Variants in RBFOX1 observed in about 807,000 individuals in gnomAD.
RBFOX1 encodes RNA binding protein fox-1 homolog 1.
A neutral mutation model predicts 57.7 loss-of-function variants in RBFOX1; 8 were observed. The ratio of observed to expected loss-of-function variants is 0.14; its 90% CI spans 0.08 to 0.25. RBFOX1 has a LOEUF of 0.25. RBFOX1 is among the 10% of genes least tolerant of loss of function. The pLI, the probability that RBFOX1 is intolerant of heterozygous loss-of-function variation, is 1.00. For synonymous variants in RBFOX1, 326 were observed against 222.4 expected (o/e 1.47, Z -4.15); for missense variants, 611 against 548.5 (o/e 1.11, Z -1.14).
intron 4 of RBFOX1, among the ~76,000 whole-genome samples, chr16:7,209,174 A>G (rs1194686206): frequency 6.8e-6 from 1 of 146,650 alleles, no homozygotes; most frequent in Admixed American, 6.7e-5. Context: ...AATAATAATA[A>G]TAATAATAAT....
chr16:6,571,849 G>A (rs1397825987), intron 2 of RBFOX1, among the ~76,000 whole-genome samples: 3 of 151,534 alleles, frequency 2.0e-5, no homozygotes, highest in African/African-American at 7.4e-5. Context: ...ATCATGAGTG[G>A]TTTGATTGAG....
chr16:6,993,617 A>G (rs1447267323), intron 3 of RBFOX1, among the ~76,000 whole-genome samples: 1 of 152,164 alleles, frequency 6.6e-6, no homozygotes, highest in Non-Finnish European at 1.5e-5. Context: ...TTAATTGTTA[A>G]AATTCCACTC....
At chr16:6,954,604 G>A (rs1211319839) in intron 3 of RBFOX1, among the ~76,000 whole-genome samples, 1 of 152,096 alleles carries the variant, frequency 6.6e-6, no homozygotes, top group East Asian at 1.9e-4. Flanking sequence ...TCCTCATTAT[G>A]TAGATGGAGA....
chr16:6,742,041 C>T (rs532301489), intron 3 of RBFOX1, among the ~76,000 whole-genome samples: 2 of 152,274 alleles, frequency 1.3e-5, no homozygotes, highest in Admixed American at 6.5e-5. Flanking sequence ...TGTTCATTAA[C>T]TTGAGTTAGC....
At chr16:5,702,212 G>A (rs1398785021) in intron 3 of RBFOX1, among the ~76,000 whole-genome samples, 2 of 152,172 alleles carry the variant, frequency 1.3e-5, no homozygotes, top group Non-Finnish European at 2.9e-5. Flanking sequence ...AGGCATGACT[G>A]GGAGACCTCA....
chr16:5,662,992 C>T (rs1276049106), intron 3 of RBFOX1, among the ~76,000 whole-genome samples: 1 of 152,134 alleles, frequency 6.6e-6, no homozygotes, highest in African/African-American at 2.4e-5. Context: ...TTCCAGTGGG[C>T]AGGAGAGCAA....
chr16:6,553,481 T>C (rs755244002), intron 2 of RBFOX1, among the ~76,000 whole-genome samples: 1 of 152,086 alleles, frequency 6.6e-6, no homozygotes, highest in Non-Finnish European at 1.5e-5. Context: ...TTGGTGGAAA[T>C]TGATGCCACC....
chr16:6,219,943 G>A (rs1394308775), intron 1 of RBFOX1, among the ~76,000 whole-genome samples: 1 of 152,096 alleles, frequency 6.6e-6, no homozygotes, highest in African/African-American at 2.4e-5. Context: ...TACATGAAAA[G>A]CTCTTAGCAC....
chr16:6,786,829 G>T (rs183011252), intron 3 of RBFOX1, among the ~76,000 whole-genome samples: 1 of 152,228 alleles, frequency 6.6e-6, no homozygotes, highest in African/African-American at 2.4e-5. Flanking sequence ...TTGACTAAAA[G>T]GGTAGGGAAT....
At chr16:6,186,020 A>T (rs549890579) in intron 1 of RBFOX1, among the ~76,000 whole-genome samples, 12 of 152,244 alleles carry the variant, frequency 7.9e-5, no homozygotes, top group African/African-American at 2.6e-4. Flanking sequence ...TTATTTCTCT[A>T]TTCTCCTTGG....
intron 1 of RBFOX1, among the ~76,000 whole-genome samples, chr16:6,072,880 C>T (rs111832009): frequency 1.4e-4 from 21 of 152,190 alleles, no homozygotes; most frequent in African/African-American, 4.3e-4. Flanking sequence ...AGGTCTGTTC[C>T]TATGATTGTG....
intron 5 of RBFOX1, among the ~76,000 whole-genome samples, chr16:7,540,251 C>A (rs1381934259): frequency 6.6e-6 from 1 of 152,134 alleles, no homozygotes; most frequent in Non-Finnish European, 1.5e-5. Context: ...TCGCTGTTTC[C>A]CTCGCTGGAA....
At chr16:7,607,769 T>C (rs2056624616) in intron 10 of RBFOX1, among the ~76,000 whole-genome samples, 1 of 152,218 alleles carries the variant, frequency 6.6e-6, no homozygotes, top group African/African-American at 2.4e-5. Context: ...TCCAATAATG[T>C]GGGAGTGATT....
intron 2 of RBFOX1, among the ~76,000 whole-genome samples, chr16:6,477,755 T>C (rs1239465051): frequency 6.6e-6 from 1 of 152,246 alleles, no homozygotes. Flanking sequence ...TACCATCTTC[T>C]TCCAAGAGAA....
chr16:5,603,306 A>C (rs2047429194), downstream of RBFOX1, among the ~76,000 whole-genome samples: 1 of 152,214 alleles, frequency 6.6e-6, no homozygotes, highest in Non-Finnish European at 1.5e-5. Context: ...AGAGTAGTCC[A>C]AGGAGGGAAG....
chr16:7,667,380 T>A (rs2145840307), intron 13 of RBFOX1, among the ~76,000 whole-genome samples: 1 of 152,298 alleles, frequency 6.6e-6, no homozygotes, highest in East Asian at 1.9e-4. Context: ...AGAACAAGAT[T>A]CATCCTAGCT....
At chr16:5,428,660 C>T (rs1378433694) in intron 1 of RBFOX1, among the ~76,000 whole-genome samples, 4 of 152,028 alleles carry the variant, frequency 2.6e-5, no homozygotes, top group African/African-American at 4.8e-5. Flanking sequence ...AAGCTGAAAC[C>T]TGGAGGGTGA....
chr16:6,118,838 T>C (rs2096526780), intron 1 of RBFOX1, among the ~76,000 whole-genome samples: 1 of 151,426 alleles, frequency 6.6e-6, no homozygotes, highest in South Asian at 2.1e-4. Flanking sequence ...CTTTCTCTCT[T>C]TCCCCATCTT....
At chr16:7,479,291 TTATTG>T (rs1002633211) in intron 4 of RBFOX1, among the ~76,000 whole-genome samples, 32 of 151,764 alleles carry the variant, frequency 2.1e-4, no homozygotes, top group African/African-American at 7.0e-4. Context: ...ACTGGCTAAT[TTATTG>T]TATTGTATAG....
Sources: gnomAD v4.1 joint callset for allele counts (sites outside exome capture counted in the v4.1 genomes callset) on GRCh38, gnomAD v4.1.1 for gene constraint, MANE v1.5 for transcripts, NCBI Gene and HGNC (gene_info 2026-07-23, HGNC 2026-07-21) for gene names.